AP3S2: variants seen among roughly 807,000 people sequenced by gnomAD.
AP3S2 encodes AP-3 complex subunit sigma-2.
A neutral mutation model predicts 23.4 loss-of-function variants in AP3S2; 22 were observed. That is an observed-to-expected ratio of 0.94 (90% confidence interval 0.67 to 1.34). The LOEUF is 1.34. Among genes scored for constraint, AP3S2 ranks in the 40% most tolerant of loss-of-function variants. The pLI is 0.00. For missense variants in AP3S2, 241 were observed against 236.9 expected (o/e 1.02, Z -0.11); for synonymous variants, 86 against 87.1 (o/e 0.99, Z 0.07).
chr15:89,886,289 G>A (rs1896699787), intron 3 of AP3S2, among the ~76,000 whole-genome samples: 1 of 152,026 alleles, frequency 6.6e-6, no homozygotes, highest in Non-Finnish European at 1.5e-5. Context: ...AGGTTGTGGT[G>A]AGCTGAGATC....
At chr15:89,853,989 C>T (rs1472429690) in intron 4 of AP3S2, among the ~76,000 whole-genome samples, 1 of 49,712 alleles carries the variant, frequency 2.0e-5, no homozygotes, top group Non-Finnish European at 4.2e-5. Flanking sequence ...GCGTCTCCGC[C>T]CGGCAGCCAC....
At chr15:89,885,509 G>C (rs1169262747) in intron 3 of AP3S2, among the ~76,000 whole-genome samples, 1 of 152,164 alleles carries the variant, frequency 6.6e-6, no homozygotes, top group Non-Finnish European at 1.5e-5. Context: ...GGCCAGAGCA[G>C]TTATTTTTGT....
chr15:89,877,312 G>A (rs762500034), intron 3 of AP3S2: 128 of 1,326,154 alleles, frequency 9.7e-5, no homozygotes, highest in Admixed American at 2.3e-4. Context: ...ATACTTTTAA[G>A]GTTTGGGAAC....
At chr15:89,838,635 C>T (rs538602054) in intron 4 of AP3S2, among the ~76,000 whole-genome samples, 2 of 152,272 alleles carry the variant, frequency 1.3e-5, no homozygotes, top group South Asian at 2.1e-4. Context: ...AAGGTGCTTT[C>T]GGTCAAGTTG....
chr15:89,835,448 C>G lies in AP3S2; in HGVS notation c.*67G>C. The G allele has an allele frequency of 6.3e-7, 1 of 1,599,364 alleles. No individual in the cohort carries two copies. The highest frequency in any genetic ancestry group is 8.5e-7 in the Non-Finnish European group (1 of 1,172,082). The stretch of plus-strand genomic sequence containing the variant: ...CTAAGGCTCAAAATGGGTTCTGTTT[C>G]CAGACGTGCTTGCCTTGCTTGTCTT... On this transcript the variant is annotated 3_prime_UTR_variant, in exon 6 of 6. Coordinates refer to ENST00000336418, the MANE Select transcript of AP3S2 (RefSeq NM_005829.5).
chr15:89,877,030 G>A, intron 3 of AP3S2: 1 of 269,138 alleles, frequency 3.7e-6, no homozygotes, highest in Non-Finnish European at 7.3e-6. Context: ...AGAAAAACTG[G>A]GCAAACTCCC....
chr15:89,837,529 C>T (rs982370379), intron 5 of AP3S2, 86 bp downstream of exon 5: 1 of 1,489,802 alleles, frequency 6.7e-7, no homozygotes, highest in African/African-American at 1.4e-5. Flanking sequence ...GGTTTCACAG[C>T]AACACAAACC....
intron 4 of AP3S2, among the ~76,000 whole-genome samples, chr15:89,867,222 CG>C (rs1419423667): frequency 4.0e-5 from 6 of 149,666 alleles, no homozygotes; most frequent in African/African-American, 1.5e-4. Flanking sequence ...CTGTGTTGGC[CG>C]GGCCGGTCTC....
chr15:89,855,189 T>C (rs1265627473), intron 4 of AP3S2, among the ~76,000 whole-genome samples: 1 of 76,072 alleles, frequency 1.3e-5, no homozygotes, highest in Admixed American at 1.7e-4. Flanking sequence ...CTAAGAAAAA[T>C]TCCTCTGCCT....
intron 4 of AP3S2, among the ~76,000 whole-genome samples, chr15:89,847,562 G>A (rs1302460807): frequency 1.3e-5 from 2 of 152,114 alleles, no homozygotes; most frequent in African/African-American, 4.8e-5. Flanking sequence ...AAGGACAGAG[G>A]ATTCCATGCT....
intron 4 of AP3S2, among the ~76,000 whole-genome samples, chr15:89,859,263 TTTTTC>T (rs905112405): frequency 1.3e-5 from 2 of 150,434 alleles, no homozygotes; most frequent in African/African-American, 4.9e-5. Context: ...TTCCTTCCTT[TTTTTC>T]TTTTCTTTCT....
At chr15:89,863,432 G>A (rs868813023) in intron 4 of AP3S2, among the ~76,000 whole-genome samples, 10 of 152,136 alleles carry the variant, frequency 6.6e-5, no homozygotes, top group Admixed American at 3.9e-4. Flanking sequence ...GGACACCTTA[G>A]AGACCAGTGC....
chr15:89,883,401 CT>C (rs545156078), intron 3 of AP3S2, among the ~76,000 whole-genome samples: 174 of 145,318 alleles, frequency 1.2e-3, no homozygotes, highest in Middle Eastern at 3.6e-3. Context: ...AAAGATACTC[CT>C]TTTTTTTTTT....
rs575510233 is a variant in AP3S2, at chr15:89,834,963, C to A, written c.*552G>T. 2.1e-3 allele frequency: 317 copies of A among 154,052 alleles called. No individual in the cohort carries two copies. Among genetic ancestry groups the A allele is most frequent in the Non-Finnish European group, 2.9e-3 (199 of 69,370 alleles). The allele number at this position is 154,052 out of a possible 1,614,324, so 9.5% of individuals were successfully genotyped here. A position where few individuals can be genotyped will look rare whatever the true frequency, so the allele number is the denominator to read the frequency against. ...GGTGTAACAATCTCAGTAGAGCCAG[C>A]GGGTGACTCTGGTTCTCCTAAAATT... On this transcript the variant is annotated 3_prime_UTR_variant, in exon 6 of 6. Coordinates refer to ENST00000336418, the MANE Select transcript of AP3S2 (RefSeq NM_005829.5).
intron 4 of AP3S2, chr15:89,850,746 C>G (rs901670081): frequency 6.7e-6 from 1 of 149,944 alleles, no homozygotes; most frequent in Admixed American, 6.7e-5. Context: ...GGGTCTTGCT[C>G]TGTCACTATC....
chr15:89,848,421 C>T (rs938301268), intron 4 of AP3S2, among the ~76,000 whole-genome samples: 2 of 152,218 alleles, frequency 1.3e-5, no homozygotes, highest in African/African-American at 2.4e-5. Context: ...AGTGCAGTGG[C>T]GTGATCTTGG....
At chr15:89,836,888 G>A (rs1055772694) in intron 5 of AP3S2, among the ~76,000 whole-genome samples, 3 of 152,194 alleles carry the variant, frequency 2.0e-5, no homozygotes, top group African/African-American at 4.8e-5. Flanking sequence ...GGTTTCGCAA[G>A]ATCAAGTTCC....
At chr15:89,885,540 T>G (rs562710970) in intron 3 of AP3S2, among the ~76,000 whole-genome samples, 1 of 152,336 alleles carries the variant, frequency 6.6e-6, no homozygotes, top group South Asian at 2.1e-4. Flanking sequence ...TTCAAATATA[T>G]TGGTAGTATA....
At chr15:89,887,518 C>T (rs148981189) in intron 3 of AP3S2, among the ~76,000 whole-genome samples, 1,994 of 151,568 alleles carry the variant, frequency 0.013, 29 homozygotes, top group Non-Finnish European at 0.017. Context: ...ATTACTGGCA[C>T]GTGCCACTAC....
Sources: gnomAD v4.1 joint callset for allele counts (sites outside exome capture counted in the v4.1 genomes callset) on GRCh38, gnomAD v4.1.1 for gene constraint, MANE v1.5 for transcripts, NCBI Gene and HGNC (gene_info 2026-07-23, HGNC 2026-07-21) for gene names.